Variants in CAB39L observed in about 807,000 individuals in gnomAD.
The protein encoded by CAB39L is calcium-binding protein 39-like.
In CAB39L, 23 loss-of-function variants were observed where a neutral mutation model predicts 39.1. The observed-to-expected ratio is 0.59, with a 90% CI of 0.42 to 0.83. CAB39L has a LOEUF of 0.83. Among genes scored for constraint, CAB39L ranks in the 40% least tolerant of loss-of-function variants. The probability of loss-of-function intolerance (pLI) is 0.00; values close to 1 mark genes in which losing one functional copy is unlikely to be tolerated. For synonymous variants in CAB39L, 126 were observed against 137.2 expected (o/e 0.92, Z 0.57); for missense variants, 366 against 391.9 (o/e 0.93, Z 0.56).
At chr13:49,410,476 A>G (rs1460232482) in intron 3 of CAB39L, among the ~76,000 whole-genome samples, 11 of 151,310 alleles carry the variant, frequency 7.3e-5, no homozygotes, top group Non-Finnish European at 1.0e-4. Flanking sequence ...TATGTTGGAG[A>G]ATCATATTAT....
intron 10 of CAB39L, among the ~76,000 whole-genome samples, chr13:49,329,342 G>C (rs1480092918): frequency 6.6e-6 from 1 of 151,736 alleles, no homozygotes; most frequent in Non-Finnish European, 1.5e-5. Context: ...TTGGGATTTT[G>C]AATGGAACTG....
chr13:49,336,270 T>TAA (rs1251369224), intron 9 of CAB39L, among the ~76,000 whole-genome samples: 1 of 151,970 alleles, frequency 6.6e-6, no homozygotes, highest in Non-Finnish European at 1.5e-5. Context: ...AATCTAACAT[T>TAA]AAAAAAAACC....
intron 10 of CAB39L, among the ~76,000 whole-genome samples, chr13:49,313,248 G>A (rs557871928): frequency 2.6e-5 from 4 of 152,232 alleles, no homozygotes; most frequent in South Asian, 2.1e-4. Flanking sequence ...TTGGGAGGCC[G>A]AGGTGGGCGG....
chr13:49,413,688 C>T (rs376428442), intron 3 of CAB39L: 3 of 152,058 alleles, frequency 2.0e-5, no homozygotes, highest in African/African-American at 7.2e-5. Context: ...TACACTTGGC[C>T]CAACACGTTT....
chr13:49,385,775 T>G (rs1201439659), intron 3 of CAB39L, among the ~76,000 whole-genome samples: 1 of 152,142 alleles, frequency 6.6e-6, no homozygotes, highest in Admixed American at 6.5e-5. Flanking sequence ...ACATGCAACA[T>G]TTATCGATTA....
At chr13:49,419,014 G>A (rs1454349980) in intron 3 of CAB39L, among the ~76,000 whole-genome samples, 1 of 152,126 alleles carries the variant, frequency 6.6e-6, no homozygotes. Flanking sequence ...TGTTGCCCAT[G>A]CTGGGTGCAG....
At chr13:49,385,894 G>A (rs1350919590) in intron 3 of CAB39L, among the ~76,000 whole-genome samples, 2 of 152,074 alleles carry the variant, frequency 1.3e-5, no homozygotes, top group African/African-American at 2.4e-5. Flanking sequence ...TTGAAATATT[G>A]TGAGAATTAA....
intron 3 of CAB39L, among the ~76,000 whole-genome samples, chr13:49,399,228 G>C (rs1486982974): frequency 2.0e-5 from 3 of 152,000 alleles, no homozygotes; most frequent in Non-Finnish European, 4.4e-5. Context: ...GAATGGCTAA[G>C]TACAAACTCA....
Position 49,434,131 on chromosome 13 carries a change from C to T in CAB39L, c.-153G>A. 1 of 456,782 alleles carries T rather than the reference C, an allele frequency of 2.2e-6. No homozygotes were observed. Among genetic ancestry groups the T allele is most frequent in the Non-Finnish European group, 4.4e-6 (1 of 226,986 alleles). The allele number at this position is 456,782 out of a possible 1,614,324, so 28.3% of individuals were successfully genotyped here. Reference sequence around the variant, plus strand: ...TGCTCTTGCATGAAGAATGAACAAACCACTGATTTGGGGTTCGCATCTTTA... The same window carrying T: ...TGCTCTTGCATGAAGAATGAACAAATCACTGATTTGGGGTTCGCATCTTTA... On this transcript the variant is annotated 5_prime_UTR_variant, in exon 2 of 11. An upstream open reading frame in the 5' UTR gains an earlier in-frame stop. Coordinates refer to ENST00000409308, the MANE Select transcript of CAB39L (RefSeq NM_001079670.3).
chr13:49,313,487 A>C (rs2138324264), intron 10 of CAB39L, among the ~76,000 whole-genome samples: 1 of 152,160 alleles, frequency 6.6e-6, no homozygotes, highest in Non-Finnish European at 1.5e-5. Flanking sequence ...TCTCAAAAAA[A>C]AAAAAAAAAA....
At chr13:49,351,437 C>T (rs561847526) in intron 6 of CAB39L, among the ~76,000 whole-genome samples, 35 of 152,012 alleles carry the variant, frequency 2.3e-4, no homozygotes, top group African/African-American at 7.7e-4. Context: ...CTGTGTGATT[C>T]GATTGTAGAG....
chr13:49,341,401 C>T (rs1258523181), intron 8 of CAB39L, among the ~76,000 whole-genome samples: 6 of 151,994 alleles, frequency 3.9e-5, no homozygotes, highest in East Asian at 1.9e-4. Context: ...TACAGGCACC[C>T]GCCACCACAT....
At chr13:49,326,481 T>G (rs1954502549) in intron 10 of CAB39L, among the ~76,000 whole-genome samples, 1 of 152,170 alleles carries the variant, frequency 6.6e-6, no homozygotes, top group Admixed American at 6.5e-5. Context: ...AGCAGGCTAA[T>G]GAGAGTCAGC....
chr13:49,329,603 G>C (rs1268086173), intron 10 of CAB39L, among the ~76,000 whole-genome samples: 1 of 120,944 alleles, frequency 8.3e-6, no homozygotes, highest in Non-Finnish European at 1.7e-5. Context: ...ATATAATGAT[G>C]TAATAAATAT....
chr13:49,386,312 T>C (rs965242803), intron 3 of CAB39L, among the ~76,000 whole-genome samples: 1 of 152,338 alleles, frequency 6.6e-6, no homozygotes, highest in African/African-American at 2.4e-5. Context: ...TCTGATTCAC[T>C]ATCTCCCCTT....
At chr13:49,368,350 A>C (rs1955826566) in intron 5 of CAB39L, among the ~76,000 whole-genome samples, 1 of 152,272 alleles carries the variant, frequency 6.6e-6, no homozygotes, top group South Asian at 2.1e-4. Context: ...AAGGATTAGA[A>C]TAGAAAGGAT....
At chr13:49,412,166 T>C (rs1000137740) in intron 3 of CAB39L, among the ~76,000 whole-genome samples, 13 of 152,188 alleles carry the variant, frequency 8.5e-5, no homozygotes, top group African/African-American at 1.9e-4. Flanking sequence ...CTTCTCTATA[T>C]ATAGACATAC....
intron 1 of CAB39L, among the ~76,000 whole-genome samples, chr13:49,443,261 C>A (rs1173275397): frequency 4.6e-5 from 7 of 151,668 alleles, no homozygotes; most frequent in African/African-American, 1.7e-4. Flanking sequence ...ATATCGTTAT[C>A]GGGGAAATCA....
chr13:49,384,633 A>G (rs1956319698), intron 3 of CAB39L, among the ~76,000 whole-genome samples: 1 of 152,166 alleles, frequency 6.6e-6, no homozygotes, highest in Non-Finnish European at 1.5e-5. Context: ...AACAATATGA[A>G]CATATGAAAT....
Sources: gnomAD v4.1 joint callset for allele counts (sites outside exome capture counted in the v4.1 genomes callset) on GRCh38, gnomAD v4.1.1 for gene constraint, MANE v1.5 for transcripts, NCBI Gene and HGNC (gene_info 2026-07-23, HGNC 2026-07-21) for gene names.